Variants in LMAN2L observed in about 807,000 individuals in gnomAD.
The protein encoded by LMAN2L is VIP36-like protein.
Under a neutral mutation model 44.3 loss-of-function variants are expected in LMAN2L, and 30 were observed. The ratio of observed to expected loss-of-function variants is 0.68; its 90% CI spans 0.51 to 0.92. The LOEUF (loss-of-function observed/expected upper bound fraction) is 0.92, where lower values mean the gene tolerates loss of function less well. LMAN2L is among the 40% of genes least tolerant of loss of function. The probability of loss-of-function intolerance (pLI) is 0.00; values close to 1 mark genes in which losing one functional copy is unlikely to be tolerated. For missense variants in LMAN2L, 429 were observed against 446.1 expected (o/e 0.96, Z 0.35); for synonymous variants, 183 against 171.1 (o/e 1.07, Z -0.54).
intron 2 of LMAN2L, among the ~76,000 whole-genome samples, chr2:96,735,852 A>G (rs2078504206): frequency 6.6e-6 from 1 of 151,122 alleles, no homozygotes; most frequent in Non-Finnish European, 1.5e-5. Context: ...AAAAAAAAAA[A>G]GATTTCAGAG....
At chr2:96,715,172 C>T (rs2078015030) in intron 4 of LMAN2L, among the ~76,000 whole-genome samples, 1 of 152,120 alleles carries the variant, frequency 6.6e-6, no homozygotes, top group Admixed American at 6.6e-5. Context: ...CTCCTGATCT[C>T]GTGATCTGCC....
intron 2 of LMAN2L, 132 bp downstream of exon 2, chr2:96,737,817 A>G: frequency 3.1e-6 from 2 of 641,754 alleles, no homozygotes; most frequent in Admixed American, 2.6e-5. Flanking sequence ...AATAATCTCA[A>G]AAATAAAGAT....
At chr2:96,712,993 T>C (rs2077960733) in intron 4 of LMAN2L, 1 of 838,536 alleles carries the variant, frequency 1.2e-6, no homozygotes, top group African/African-American at 1.7e-5. Flanking sequence ...GGAGATGCAG[T>C]CGAGACCAGA....
Position 96,734,524 on chromosome 2 carries a change from T to G in LMAN2L, c.309A>C (p.Pro103=). 1 of 1,585,786 alleles carries G rather than the reference T, an allele frequency of 6.3e-7. No homozygotes were observed. Residue 103 remains proline, a splice_region_variant and synonymous_variant, in exon 3 of 8, where the codon CCA becomes CCC. Coordinates refer to ENST00000264963, the MANE Select transcript of LMAN2L (RefSeq NM_030805.4). ...SKQGALWNRV[P]CFLRDWELQV... is the part of the protein sequence containing the mutation. The stretch of plus-strand genomic sequence containing the variant: ...GCAACTCCCAGTCTCTCAGGAAACA[T>G]GGCTAAAGTGAGAAAGACATTAGAA...
In LMAN2L at chr2:96,707,170, A is replaced by G; in HGVS notation, c.*86T>C. 7.6e-7 allele frequency: 1 copy of G among 1,315,416 alleles called. No homozygotes were observed. 81.5% of individuals were successfully genotyped at this position (1,315,416 alleles called of 1,614,324 possible). ...CCAACCAGCTGCTAGAGACAAGAAC[A>G]CTCTCCAGGCTGCATGCTCAGGCCA... On this transcript the variant is annotated 3_prime_UTR_variant, in exon 8 of 8. Coordinates refer to ENST00000264963, the MANE Select transcript of LMAN2L (RefSeq NM_030805.4).
chr2:96,716,620 C>A (rs998038267), intron 4 of LMAN2L, among the ~76,000 whole-genome samples: 2 of 152,190 alleles, frequency 1.3e-5, no homozygotes, highest in Admixed American at 6.5e-5. Context: ...TTAGTCTGTG[C>A]CAGGCACTGA....
chr2:96,719,147 A>G (rs2078099690), intron 4 of LMAN2L, among the ~76,000 whole-genome samples: 1 of 152,192 alleles, frequency 6.6e-6, no homozygotes, highest in Admixed American at 6.5e-5. Flanking sequence ...TCATTCTGAT[A>G]GTATGTCAAT....
chr2:96,727,107 G>A (rs1011455150), intron 4 of LMAN2L, among the ~76,000 whole-genome samples: 3 of 151,916 alleles, frequency 2.0e-5, no homozygotes, highest in East Asian at 3.9e-4. Flanking sequence ...AATAAAAAAT[G>A]TGTGTGTGAC....
At chr2:96,718,971 C>T (rs2078095917) in intron 4 of LMAN2L, among the ~76,000 whole-genome samples, 1 of 152,126 alleles carries the variant, frequency 6.6e-6, no homozygotes, top group Non-Finnish European at 1.5e-5. Context: ...TATCTTAGTC[C>T]TCAAATCAAG....
chr2:96,718,784 C>T (rs2078093094), intron 4 of LMAN2L, among the ~76,000 whole-genome samples: 1 of 152,094 alleles, frequency 6.6e-6, no homozygotes, highest in Admixed American at 6.6e-5. Flanking sequence ...CTGAGAAGGC[C>T]CTTGCTCTGT....
At chr2:96,722,152 T>C (rs959411769) in intron 4 of LMAN2L, among the ~76,000 whole-genome samples, 1 of 151,824 alleles carries the variant, frequency 6.6e-6, no homozygotes, top group Non-Finnish European at 1.5e-5. Flanking sequence ...GTATTTTTAG[T>C]AGAGACGGGG....
At chr2:96,724,043 G>A (rs948399271) in intron 4 of LMAN2L, among the ~76,000 whole-genome samples, 1 of 151,712 alleles carries the variant, frequency 6.6e-6, no homozygotes, top group Non-Finnish European at 1.5e-5. Flanking sequence ...AGCTTGCAGT[G>A]AGCCGAGATC....
chr2:96,713,908 C>T (rs765472483), intron 4 of LMAN2L, among the ~76,000 whole-genome samples: 1 of 152,204 alleles, frequency 6.6e-6, no homozygotes, highest in Non-Finnish European at 1.5e-5. Context: ...GAGGTACCTA[C>T]ACAAGCTCAG....
chr2:96,718,236 G>A (rs1160935274), intron 4 of LMAN2L, among the ~76,000 whole-genome samples: 3 of 152,172 alleles, frequency 2.0e-5, no homozygotes, highest in African/African-American at 2.4e-5. Context: ...GATTACAGGC[G>A]TGAGCCACTG....
intron 4 of LMAN2L, among the ~76,000 whole-genome samples, chr2:96,733,094 GAGA>G (rs955964043): frequency 1.2e-4 from 18 of 152,158 alleles, no homozygotes; most frequent in East Asian, 1.9e-4. Context: ...CTTCAGGTCT[GAGA>G]AGAAGAAGAA....
Position 96,720,008 on chromosome 2 carries a change from T to C in LMAN2L, c.508-7983A>G, listed in dbSNP as rs747513712. ...TGCCACTGCACTCCATCCTGGGCGATAGAATGCAAGACTCAGTCTCAAAAG... is the reference window on the plus strand; with the variant it reads ...TGCCACTGCACTCCATCCTGGGCGACAGAATGCAAGACTCAGTCTCAAAAG... On this transcript the variant is annotated intron_variant, in intron 4 of 7. Transcript: ENST00000264963. 1.8e-4 allele frequency among the ~76,000 whole-genome samples: 28 copies of C among 151,618 alleles called. 1 individual carries two copies. Among genetic ancestry groups the C allele is most frequent in the Admixed American group, 9.2e-4 (14 of 15,192 alleles).
chr2:96,732,587 T>C (rs902131482), intron 4 of LMAN2L, among the ~76,000 whole-genome samples: 4 of 148,568 alleles, frequency 2.7e-5, no homozygotes, highest in African/African-American at 1.0e-4. Flanking sequence ...GAGGTTGCAG[T>C]GAGCCGAGAT....
rs764123375 is a variant in LMAN2L at position 96,739,891 on chromosome 2, G to A, written c.150C>T (p.Tyr50=). ...QQVGAGQTFE[Y]LKREHSLSKP... Reference sequence around the variant, plus strand: ...TCGACAGCGAGTGCTCCCGTTTCAAGTACTCGAACGTTTGACCCGCCCCGA... The same window carrying A: ...TCGACAGCGAGTGCTCCCGTTTCAAATACTCGAACGTTTGACCCGCCCCGA... The change falls in exon 1 of 8, where the codon TAC becomes TAT. Residue 50 remains tyrosine (Y), a synonymous_variant. Transcript: ENST00000264963. 6 of 1,614,014 alleles carry A rather than the reference G, an allele frequency of 3.7e-6. 1 individual carries two copies. The South Asian group carries it at 6.6e-5, about 18-fold the overall frequency.
chr2:96,735,836 T>A (rs1219066974), intron 2 of LMAN2L, among the ~76,000 whole-genome samples: 6 of 137,652 alleles, frequency 4.4e-5, no homozygotes, highest in Admixed American at 7.3e-5. Flanking sequence ...AGACTCCATC[T>A]CAAAAAAAAA....
Sources: gnomAD v4.1 joint callset for allele counts (sites outside exome capture counted in the v4.1 genomes callset) on GRCh38, gnomAD v4.1.1 for gene constraint, MANE v1.5 for transcripts, NCBI Gene and HGNC (gene_info 2026-07-23, HGNC 2026-07-21) for gene names.